COL19A1: variants seen among roughly 807,000 people sequenced by gnomAD.
The protein encoded by COL19A1 is collagen type XIX alpha 1 chain, also known as collagen alpha-1(XIX) chain.
COL19A1 carries 159 observed loss-of-function variants against 190.2 expected under a neutral mutation model. The ratio of observed to expected loss-of-function variants is 0.84; its 90% CI spans 0.73 to 0.95. The LOEUF is 0.95. Among genes scored for constraint, COL19A1 ranks in the 40% least tolerant of loss-of-function variants. COL19A1 has a pLI of 0.00. For missense variants in COL19A1, 1,418 were observed against 1,431.9 expected (o/e 0.99, Z 0.16); for synonymous variants, 509 against 458.9 (o/e 1.11, Z -1.39).
intron 4 of COL19A1, among the ~76,000 whole-genome samples, chr6:69,920,192 T>G (rs1449831504): frequency 6.6e-6 from 1 of 152,204 alleles, no homozygotes; most frequent in Non-Finnish European, 1.5e-5. Flanking sequence ...GTTAAGATTT[T>G]TATGAAATAA....
chr6:70,178,996 CTT>C (rs1215967560), intron 42 of COL19A1, among the ~76,000 whole-genome samples: 4 of 152,146 alleles, frequency 2.6e-5, no homozygotes, highest in South Asian at 2.1e-4. Flanking sequence ...TCCCTTATCT[CTT>C]TGTCTCAGAT....
chr6:70,120,611 A>G (rs2150210472), intron 16 of COL19A1, among the ~76,000 whole-genome samples: 1 of 152,308 alleles, frequency 6.6e-6, no homozygotes, highest in East Asian at 1.9e-4. Flanking sequence ...TCTTCTTACA[A>G]TAGCTCCGTT....
chr6:70,003,744 C>A (rs1444585999), intron 11 of COL19A1, among the ~76,000 whole-genome samples: 1 of 152,048 alleles, frequency 6.6e-6, no homozygotes, highest in African/African-American at 2.4e-5. Context: ...TCCTCCATCA[C>A]TTTATTTTGA....
At chr6:70,199,143 C>T (rs1364412387) in intron 48 of COL19A1, among the ~76,000 whole-genome samples, 1 of 152,160 alleles carries the variant, frequency 6.6e-6, no homozygotes, top group African/African-American at 2.4e-5. Context: ...AAAGTCTAGC[C>T]CCCATTCAAA....
chr6:69,947,962 A>G (rs1773917439), intron 9 of COL19A1, among the ~76,000 whole-genome samples: 1 of 151,880 alleles, frequency 6.6e-6, no homozygotes, highest in Non-Finnish European at 1.5e-5. Flanking sequence ...CTTACTGATG[A>G]CATTAATTGA....
intron 9 of COL19A1, among the ~76,000 whole-genome samples, chr6:69,947,843 T>C (rs1244357143): frequency 6.6e-6 from 1 of 151,852 alleles, no homozygotes; most frequent in Admixed American, 6.6e-5. Context: ...AATTCTTTAC[T>C]CCTATAGGAA....
rs371149238 is a variant in COL19A1 at position 70,088,601 on chromosome 6, C to A, written c.1225-13568C>A. On this transcript the variant is annotated intron_variant, in intron 15 of 50. Coordinates refer to ENST00000620364, the MANE Select transcript of COL19A1 (RefSeq NM_001858.6). ...CCACTATGTCCACGTTTAATGCAGA[C>A]TTATAATTCTTGAAAATACTGGTGA... Among the ~76,000 whole-genome samples the A allele has an allele frequency of 3.9e-4, 59 of 152,210 alleles. 1 individual carries two copies. The highest frequency in any genetic ancestry group is 3.4e-3 in the Middle Eastern group (1 of 294).
chr6:69,982,814 T>C (rs1284218710), intron 11 of COL19A1, among the ~76,000 whole-genome samples: 3 of 150,200 alleles, frequency 2.0e-5, no homozygotes, highest in African/African-American at 7.3e-5. Context: ...CTACTAAAAA[T>C]ACAAAAAATT....
chr6:69,925,425 G>T (rs532907083), intron 4 of COL19A1, among the ~76,000 whole-genome samples: 3 of 152,208 alleles, frequency 2.0e-5, no homozygotes, highest in African/African-American at 7.2e-5. Context: ...TGAGGGCTCT[G>T]TTCTGTTCCA....
chr6:69,956,922 A>G (rs899783109), intron 9 of COL19A1, among the ~76,000 whole-genome samples: 37 of 152,068 alleles, frequency 2.4e-4, no homozygotes, highest in African/African-American at 8.4e-4. Context: ...GATCTCGGAC[A>G]TTTTAATCAA....
At chr6:69,880,939 T>A (rs2149945658) in intron 2 of COL19A1, among the ~76,000 whole-genome samples, 1 of 152,314 alleles carries the variant, frequency 6.6e-6, no homozygotes, top group Non-Finnish European at 1.5e-5. Flanking sequence ...TGACAGGACT[T>A]TTTTAGTTAG....
At chr6:69,982,894 C>T (rs1234391785) in intron 11 of COL19A1, among the ~76,000 whole-genome samples, 1 of 151,448 alleles carries the variant, frequency 6.6e-6, no homozygotes, top group African/African-American at 2.4e-5. Flanking sequence ...ATGGCGTGAA[C>T]CCGGGAGGCA....
intron 14 of COL19A1, among the ~76,000 whole-genome samples, chr6:70,053,286 G>A (rs1780310932): frequency 6.6e-6 from 1 of 152,070 alleles, no homozygotes; most frequent in African/African-American, 2.4e-5. Flanking sequence ...ATAACATTCT[G>A]ATTGCTCCAT....
intron 8 of COL19A1, 26 bp downstream of exon 8, chr6:69,936,936 C>A (rs757534722): frequency 8.7e-6 from 14 of 1,609,590 alleles, no homozygotes; most frequent in Non-Finnish European, 1.2e-5. Context: ...TTGGTGCACA[C>A]TGAAAGCCAC....
At chr6:70,118,996 T>A (rs79909579) in intron 16 of COL19A1, among the ~76,000 whole-genome samples, 10,334 of 152,190 alleles carry the variant, frequency 0.068, 1,153 homozygotes, top group African/African-American at 0.24. Context: ...AAGGATCATA[T>A]CCCATTTCAC....
intron 4 of COL19A1, among the ~76,000 whole-genome samples, chr6:69,921,432 AT>A (rs1771855382): frequency 8.0e-6 from 1 of 125,270 alleles, no homozygotes; most frequent in Non-Finnish European, 1.5e-5. Context: ...TATATCATAT[AT>A]ATCATATATA....
intron 2 of COL19A1, among the ~76,000 whole-genome samples, chr6:69,885,346 T>G (rs892867627): frequency 2.6e-5 from 4 of 151,694 alleles, no homozygotes; most frequent in Non-Finnish European, 5.9e-5. Context: ...TTTAAAAAAA[T>G]TATAAATATT....
At chr6:70,058,855 G>A (rs1380590607) in intron 14 of COL19A1, among the ~76,000 whole-genome samples, 1 of 151,914 alleles carries the variant, frequency 6.6e-6, no homozygotes, top group African/African-American at 2.4e-5. Flanking sequence ...TACTTCTTGA[G>A]AGTGGACTAT....
chr6:69,938,123 T>C (rs1022774334), intron 9 of COL19A1, 23 bp downstream of exon 9: 1 of 1,607,032 alleles, frequency 6.2e-7, no homozygotes. Flanking sequence ...CAAATACTGA[T>C]GGAGAAAACA....
Sources: allele counts gnomAD v4.1 joint callset (sites outside exome capture counted in the v4.1 genomes callset), GRCh38; gene constraint gnomAD v4.1.1; transcripts MANE v1.5; gene names NCBI Gene and HGNC (gene_info 2026-07-23, HGNC 2026-07-21).